CFAP69: variants seen among roughly 807,000 people sequenced by gnomAD.
CFAP69 encodes cilia and flagella associated protein 69.
CFAP69 carries 92 observed loss-of-function variants against 123.0 expected under a neutral mutation model. The ratio of observed to expected loss-of-function variants is 0.75; its 90% CI spans 0.63 to 0.89. The LOEUF (loss-of-function observed/expected upper bound fraction) is 0.89. Ranked by LOEUF, CFAP69 falls within the 40% of genes least tolerant of loss-of-function variation. The probability of loss-of-function intolerance (pLI) is 0.00; values close to 1 mark genes in which losing one functional copy is unlikely to be tolerated. For synonymous variants in CFAP69, 380 were observed against 364.3 expected (o/e 1.04, Z -0.49); for missense variants, 1,067 against 1,096.9 (o/e 0.97, Z 0.39).
At chr7:90,280,038 T>C (rs549360453) in intron 12 of CFAP69, 145 bp downstream of exon 12, 855 of 578,414 alleles carry the variant, frequency 1.5e-3, no homozygotes, top group Non-Finnish European at 1.9e-3. Flanking sequence ...TGTATTTATA[T>C]GTTGTTTTAA....
At chr7:90,259,315 A>G (rs1002505150) in intron 3 of CFAP69, among the ~76,000 whole-genome samples, 2 of 152,176 alleles carry the variant, frequency 1.3e-5, no homozygotes, top group African/African-American at 4.8e-5. Context: ...AGGCTAAGAC[A>G]GGAGGATTGC....
chr7:90,320,749 A>G, the CFAP69 span: 1 of 152,324 alleles, frequency 6.6e-6, no homozygotes, highest in African/African-American at 2.4e-5. Context: ...AATCATACGA[A>G]TCAAATCTAA....
intron 12 of CFAP69, among the ~76,000 whole-genome samples, chr7:90,280,396 A>T (rs1462716556): frequency 2.6e-5 from 4 of 152,158 alleles, no homozygotes; most frequent in Non-Finnish European, 5.9e-5. Flanking sequence ...GGGTTTCGCC[A>T]TGTTGCCCCG....
At chr7:90,310,020 GAAAATTGTGTAA>G in intron 22 of CFAP69, 36 bp from the exon 23 acceptor site, 1 of 1,493,730 alleles carries the variant, frequency 6.7e-7, no homozygotes. Context: ...TTCTCTTGTT[GAAAATTGTGTAA>G]ATGGACTTTT....
At chr7:90,248,484 T>A (rs1796583909) in intron 1 of CFAP69, among the ~76,000 whole-genome samples, 2 of 152,348 alleles carry the variant, frequency 1.3e-5, no homozygotes, top group African/African-American at 4.8e-5. Flanking sequence ...ACAAATGATA[T>A]TCACAGAGTA....
chr7:90,300,444 T>C, intron 17 of CFAP69: 1 of 832,334 alleles, frequency 1.2e-6, no homozygotes, highest in Non-Finnish European at 1.4e-6. Context: ...TCATTTTTCC[T>C]TTTTCTAAAT....
chr7:90,252,073 A>G (rs1797079807), intron 1 of CFAP69: 1 of 151,790 alleles, frequency 6.6e-6, no homozygotes, highest in African/African-American at 2.4e-5. Context: ...CTAACCTTCT[A>G]AACAAATATT....
intron 4 of CFAP69, among the ~76,000 whole-genome samples, chr7:90,264,678 T>C (rs1798884913): frequency 6.6e-6 from 1 of 152,162 alleles, no homozygotes; most frequent in East Asian, 1.9e-4. Flanking sequence ...CCTAAGTTTT[T>C]TTATTCATGA....
Position 90,299,742 on chromosome 7 carries a change from A to G in CFAP69, c.1858-125A>G, listed in dbSNP as rs1285493485. The G allele has an allele frequency of 2.1e-5, 16 of 755,274 alleles. No individual in the cohort carries two copies. The East Asian group carries it at 4.1e-4, about 19-fold the overall frequency. 46.8% of individuals were successfully genotyped at this position (755,274 alleles called of 1,614,324 possible). A position where few individuals can be genotyped will look rare whatever the true frequency, so the allele number is the denominator to read the frequency against. ...CAATGGGTGTCCATTTTAACAGGAG[A>G]TTTTCCTGACTCTGAGTTTAGAAGA... is the stretch of plus-strand genomic sequence containing the variant. On this transcript the variant is annotated intron_variant, in intron 16 of 22. Transcript: ENST00000389297.
chr7:90,321,579 T>G, the CFAP69 span, among the ~76,000 whole-genome samples: 3 of 152,186 alleles, frequency 2.0e-5, no homozygotes, highest in Non-Finnish European at 2.9e-5. Flanking sequence ...CATCTCGGCA[T>G]TAGTCAGTCC....
chr7:90,319,222 C>T, the CFAP69 span: 1 of 389,750 alleles, frequency 2.6e-6, no homozygotes, highest in Non-Finnish European at 4.5e-6. Context: ...GAATCAAAAC[C>T]TATCATTTTA....
intron 12 of CFAP69, among the ~76,000 whole-genome samples, chr7:90,280,346 T>C (rs1240952073): frequency 6.6e-6 from 1 of 152,110 alleles, no homozygotes. Flanking sequence ...TACAAGTTCA[T>C]GCCACCACAC....
chr7:90,297,133 G>C (rs1002747944), intron 15 of CFAP69, among the ~76,000 whole-genome samples: 2 of 152,142 alleles, frequency 1.3e-5, no homozygotes, highest in African/African-American at 4.8e-5. Flanking sequence ...AGAGCCTACT[G>C]TCATGTGATG....
chr7:90,279,266 T>TA (rs979682230), intron 11 of CFAP69, among the ~76,000 whole-genome samples: 1 of 152,174 alleles, frequency 6.6e-6, no homozygotes, highest in Non-Finnish European at 1.5e-5. Flanking sequence ...TATTTCCTTT[T>TA]AAAAAAAGAG....
chr7:90,250,235 A>AGAGAGAGAGAAT (rs1267005649), intron 1 of CFAP69, among the ~76,000 whole-genome samples: 1 of 134,266 alleles, frequency 7.4e-6, no homozygotes, highest in Non-Finnish European at 1.6e-5. Context: ...AGAGAGAGAG[A>AGAGAGAGAGAAT]CTCCTTGGTT....
rs777146307 is a variant in CFAP69, at chr7:90,286,299, TAAGC to T, written c.1561_1564del (p.Lys521LeufsTer39). On this transcript the variant is annotated frameshift_variant, in exon 14 of 23. Transcript: ENST00000389297. ...ATACCAGGAATCTTTAAAAATATAA[TAAGC>T]AAGCCTAATGAAAAGGAAGAAGCCA... 1 of 1,600,614 alleles carries T rather than the reference TAAGC, an allele frequency of 6.2e-7. No individual in the cohort carries two copies. Among genetic ancestry groups the T allele is most frequent in the South Asian group, 1.1e-5 (1 of 90,054 alleles).
At chr7:90,296,325 ATTGTTGTTGTTG>A (rs141962246) in intron 15 of CFAP69, among the ~76,000 whole-genome samples, 1 of 150,428 alleles carries the variant, frequency 6.6e-6, no homozygotes, top group Admixed American at 6.6e-5. Flanking sequence ...TTTTGTTGTT[ATTGTTGTTGTTG>A]TTGTTGTTTA....
chr7:90,264,145 A>C (rs1798798204), intron 4 of CFAP69, among the ~76,000 whole-genome samples: 1 of 128,918 alleles, frequency 7.8e-6, no homozygotes, highest in African/African-American at 2.8e-5. Context: ...ATATATATAT[A>C]TATATGAATT....
chr7:90,247,537 T>C (rs571975926), intron 1 of CFAP69, among the ~76,000 whole-genome samples: 1 of 152,214 alleles, frequency 6.6e-6, no homozygotes, highest in African/African-American at 2.4e-5. Flanking sequence ...TCATGTCCAT[T>C]GTAAAGATTA....
Sources: gnomAD v4.1 joint callset for allele counts (sites outside exome capture counted in the v4.1 genomes callset) on GRCh38, gnomAD v4.1.1 for gene constraint, MANE v1.5 for transcripts, NCBI Gene and HGNC (gene_info 2026-07-23, HGNC 2026-07-21) for gene names.